AGAP4: variants seen among roughly 807,000 people sequenced by gnomAD.
AGAP4 encodes arf-GAP with GTPase, ANK repeat and PH domain-containing protein 4.
Under a neutral mutation model 60.7 loss-of-function variants are expected in AGAP4, and 13 were observed. The observed-to-expected ratio is 0.21, with a 90% CI of 0.14 to 0.34. The LOEUF is 0.34. Among genes scored for constraint, AGAP4 ranks in the 10% least tolerant of loss-of-function variants. The pLI is 1.00. For synonymous variants in AGAP4, 70 were observed against 339.0 expected (o/e 0.21, Z 8.72); for missense variants, 169 against 884.0 (o/e 0.19, Z 10.26).
At position 45,831,376 on chromosome 10, in the gene AGAP4, G is replaced by T; in HGVS notation, c.533+18C>A. 14 of 1,581,638 alleles carry T rather than the reference G, an allele frequency of 8.9e-6. 1 individual carries two copies. In the South Asian group the frequency reaches 1.4e-4, roughly 16 times the overall value. On this transcript the variant is annotated intron_variant, in intron 6 of 7. Coordinates refer to ENST00000616763, the MANE Select transcript of AGAP4 (RefSeq NM_001276343.3). The stretch of plus-strand genomic sequence containing the variant: ...AGTACTTAGCTAGAATAACAAGACA[G>T]GTTTCTAAAAAGCTCACCTTTGTGT...
In AGAP4 at chr10:45,826,895, T is replaced by C. The variant is rs782733697; in HGVS notation, c.1081A>G (p.Asn361Asp). 100 of 1,264,578 alleles carry C rather than the reference T, an allele frequency of 7.9e-5. 6 individuals are homozygous for C. Among genetic ancestry groups the C allele is most frequent in the Admixed American group, 5.0e-4 (27 of 53,686 alleles). 78.3% of individuals were successfully genotyped at this position (1,264,578 alleles called of 1,614,324 possible). The change falls in exon 8 of 8, where the codon AAT becomes GAT. Residue 361 changes from asparagine to aspartate, a missense_variant. Coordinates refer to ENST00000616763, the MANE Select transcript of AGAP4 (RefSeq NM_001276343.3). ...ACTPISTSKSNGLSKDMDTGL... is the reference protein window; with the variant it reads ...ACTPISTSKSDGLSKDMDTGL... ...GTGTCCATGTCCTTGGATAGGCCAT[T>C]GCTTTTAGAGGTGGAGATGGGTGTG...
At chr10:45,853,737 A>G in exon 1 of AGAP4, 1 of 1,288,004 alleles carries the variant, frequency 7.8e-7, no homozygotes, top group Non-Finnish European at 1.0e-6. Context: ...GCAGCAGCCA[A>G]CAGGTCTGGA....
At chr10:45,834,995 G>C (rs1489806736) in intron 4 of AGAP4, among the ~76,000 whole-genome samples, 1 of 146,242 alleles carries the variant, frequency 6.8e-6, no homozygotes, top group South Asian at 2.1e-4. Context: ...GGATGGTCTC[G>C]ATCTCCTCAC....
intron 6 of AGAP4, among the ~76,000 whole-genome samples, chr10:45,830,236 G>C (rs2058709801): frequency 2.1e-5 from 3 of 143,846 alleles, no homozygotes; most frequent in Non-Finnish European, 4.6e-5. Context: ...GCAATGGCGA[G>C]ATCTCGGCTC....
rs1342173575 is a variant in AGAP4, at chr10:45,827,299, T to C, written c.677A>G (p.Gln226Arg). Residue 226 changes from glutamine to arginine, a missense_variant, in exon 8 of 8, where the codon CAG becomes CGG. Gln to Arg is a conservative substitution (Grantham distance 43). Coordinates refer to ENST00000616763, the MANE Select transcript of AGAP4 (RefSeq NM_001276343.3). ...SSIPSTPSTSQEDPQFSVPPT... is the reference protein window; with the variant it reads ...SSIPSTPSTSREDPQFSVPPT... ...AGGAACACTGAACTGAGGGTCCTCC[T>C]GGCTGGTGCTGGGAGTCGATGGAAT... 6.5e-5 allele frequency: 103 copies of C among 1,580,438 alleles called. 1 individual carries two copies. In the Admixed American group the frequency reaches 1.8e-3, roughly 27 times the overall value.
At position 45,846,709 on chromosome 10, in the gene AGAP4, G is replaced by T. The variant is rs201152637; in HGVS notation, c.270C>A (p.Phe90Leu). The T allele has an allele frequency of 2.1e-3, 2,655 of 1,263,070 alleles. 8 individuals carry two copies. Among genetic ancestry groups the T allele is most frequent in the Admixed American group, 6.2e-3 (226 of 36,468 alleles). 78.2% of individuals were successfully genotyped at this position (1,263,070 alleles called of 1,614,324 possible). A position where few individuals can be genotyped will look rare whatever the true frequency, so the allele number is the denominator to read the frequency against. Residue 90 changes from phenylalanine (F) to leucine (L), a missense_variant, in exon 2 of 8, where the codon TTC (phenylalanine) becomes TTA (leucine). Coordinates refer to ENST00000616763, the MANE Select transcript of AGAP4 (RefSeq NM_001276343.3). ...CACCATCTGTTTGAGAGTTCCTCTG[G>T]AATATTGTGCTTGCCTCTGGATTGG... ...LSANPEASTIFQRNSQTDALE... is the reference protein window; with the variant it reads ...LSANPEASTILQRNSQTDALE...
At chr10:45,854,294 C>G (rs1321487714), upstream of AGAP4, 1 of 158,128 alleles carries the variant, frequency 6.3e-6, no homozygotes, top group East Asian at 1.9e-4. Flanking sequence ...TCCACCTTGT[C>G]CAGAACTACA....
rs1481142789 is a variant in AGAP4, at chr10:45,835,048, C to T, written c.397-932G>A. On this transcript the variant is annotated intron_variant, in intron 4 of 7. Coordinates refer to ENST00000616763, the MANE Select transcript of AGAP4 (RefSeq NM_001276343.3). ...TCAGCCTCCCAAAGTACTGGGATTA[C>T]AGGCGTGAGCCACGGCGCCCAGCCC... 3.8e-4 allele frequency among the ~76,000 whole-genome samples: 56 copies of T among 146,420 alleles called. 1 individual carries two copies. Among genetic ancestry groups the T allele is most frequent in the Non-Finnish European group, 7.1e-4 (48 of 67,554 alleles).
Position 45,827,348 on chromosome 10 carries a change from T to A in AGAP4, c.628A>T (p.Ser210Cys). 1.3e-6 allele frequency: 2 copies of A among 1,595,488 alleles called. No individual in the cohort carries two copies. Among genetic ancestry groups the A allele is most frequent in the Non-Finnish European group, 1.7e-6 (2 of 1,171,462 alleles). ...ATGGAGGAGGAATAGTTATTTAAACTCCCACCTCCATTTCTTTTCTTCATA... is the reference window on the plus strand; with the variant it reads ...ATGGAGGAGGAATAGTTATTTAAACACCCACCTCCATTTCTTTTCTTCATA... ...HIMKKRNGGG[S>C]LNNYSSSIPS... Residue 210 changes from serine (S) to cysteine (C), a missense_variant, in exon 8 of 8, where the codon AGT becomes TGT. Ser to Cys is a moderately radical substitution (Grantham distance 112, BLOSUM62 -1). Transcript: ENST00000616763.
chr10:45,853,320 C>T (rs1461663029), intron 1 of AGAP4, among the ~76,000 whole-genome samples: 1 of 151,156 alleles, frequency 6.6e-6, no homozygotes, highest in East Asian at 1.9e-4. Flanking sequence ...AATAGTCTTC[C>T]ACATTCTTGA....
At chr10:45,854,271 A>T (rs1456643333), upstream of AGAP4, 1 of 158,820 alleles carries the variant, frequency 6.3e-6, no homozygotes, top group Non-Finnish European at 1.4e-5. Flanking sequence ...CAATACTTCC[A>T]CTTTAAGAGT....
chr10:45,834,674 CAAAAAAAAA>C (rs1174820110), intron 4 of AGAP4, among the ~76,000 whole-genome samples: 9 of 15,244 alleles, frequency 5.9e-4, no homozygotes, highest in African/African-American at 5.1e-3. Context: ...GACTCCGCCT[CAAAAAAAAA>C]AAAAAAAAAA....
At chr10:45,852,448 C>A (rs1323233035), upstream of AGAP4, among the ~76,000 whole-genome samples, 61 of 145,890 alleles carry the variant, frequency 4.2e-4, no homozygotes, top group Non-Finnish European at 7.1e-4. Context: ...ATTTTTCCCA[C>A]AAAAAGTTAA....
upstream of AGAP4, among the ~76,000 whole-genome samples, chr10:45,849,473 G>GATGATT (rs1554900083): frequency 0.062 from 8,815 of 141,366 alleles, 1 homozygote; most frequent in Middle Eastern, 0.097. Context: ...TGATGATGAT[G>GATGATT]ATTATTATTA....
At position 45,853,730 on chromosome 10, in the gene AGAP4, G is replaced by A; in HGVS notation, n.146C>T. On this transcript the variant is annotated non_coding_transcript_exon_variant, in exon 1 of 10. Coordinates refer to the AGAP4 transcript ENST00000430779. ...CTCCTCTTGGGCAGAGATCACAGCAGCAGCCAACAGGTCTGGAGAAGACCT... is the reference window on the plus strand; with the variant it reads ...CTCCTCTTGGGCAGAGATCACAGCAACAGCCAACAGGTCTGGAGAAGACCT... 3.9e-6 allele frequency: 5 copies of A among 1,287,922 alleles called. No individual in the cohort carries two copies. The South Asian group carries it at 4.9e-5, about 13-fold the overall frequency. The allele number at this position is 1,287,922 out of a possible 1,614,324, so 79.8% of individuals were successfully genotyped here.
chr10:45,847,970 G>C (rs1317014560), upstream of AGAP4: 2 of 1,027,604 alleles, frequency 1.9e-6, no homozygotes, highest in Non-Finnish European at 2.3e-6. Context: ...AAAAGCAAAG[G>C]GTAGTTCATT....
chr10:45,852,217 T>TAAAAAAAAAAAAAAAAAAA (rs781889843), upstream of AGAP4, among the ~76,000 whole-genome samples: 4 of 91,714 alleles, frequency 4.4e-5, no homozygotes, highest in African/African-American at 2.2e-4. Context: ...GGCCAGACTT[T>TAAAAAAAAAAAAAAAAAAA]AAAAAAAAAA....
rs148544608 is a variant in AGAP4, at chr10:45,826,564, T to A, written c.1412A>T (p.Gln471Leu). ...QSKAMALQSI[Q>L]NMRGNAHCVD... ...ACAGTGGGCGTTCCCACGCATGTTT[T>A]GGATCGACTGCAGGGCCATGGCCTT... is the stretch of plus-strand genomic sequence containing the variant. Residue 471 changes from glutamine to leucine, a missense_variant, in exon 8 of 8, where the codon CAA (glutamine) becomes CTA (leucine). Physicochemically the swap from Gln to Leu is moderately radical, Grantham distance 113. Coordinates refer to ENST00000616763, the MANE Select transcript of AGAP4 (RefSeq NM_001276343.3). 256 of 1,560,942 alleles carry A rather than the reference T, an allele frequency of 1.6e-4. 22 individuals are homozygous for A. In the African/African-American group the frequency reaches 2.3e-3, roughly 14 times the overall value.
chr10:45,849,479 T>G (rs1452299322), upstream of AGAP4, among the ~76,000 whole-genome samples: 10,106 of 128,774 alleles, frequency 0.078, 324 homozygotes, highest in African/African-American at 0.16. Flanking sequence ...TGATGATTAT[T>G]ATTATTATTA....
Sources: allele counts gnomAD v4.1 joint callset (sites outside exome capture counted in the v4.1 genomes callset), GRCh38; gene constraint gnomAD v4.1.1; transcripts MANE v1.5; gene names NCBI Gene and HGNC (gene_info 2026-07-23, HGNC 2026-07-21).